The following LRRK1 variants were observed in gnomAD, a reference collection of about 807,000 sequenced individuals.
LRRK1 encodes the protein leucine rich repeat kinase 1.
A neutral mutation model predicts 209.1 loss-of-function variants in LRRK1; 113 were observed. The ratio of observed to expected loss-of-function variants is 0.54; its 90% CI spans 0.46 to 0.63. LRRK1 has a LOEUF of 0.63. Among genes scored for constraint, LRRK1 ranks in the 30% least tolerant of loss-of-function variants. The probability of loss-of-function intolerance (pLI) is 0.00; values close to 1 mark genes in which losing one functional copy is unlikely to be tolerated. For missense variants in LRRK1, 2,284 were observed against 2,632.2 expected, an observed-to-expected ratio of 0.87 and a Z score of 2.89; for synonymous variants, 1,144 against 1,099.7, an observed-to-expected ratio of 1.04 and a Z score of -0.80.
Position 101,027,481 on chromosome 15 carries a change from C to A in LRRK1, c.2526+100C>A. 1 of 1,533,620 alleles carries A rather than the reference C, an allele frequency of 6.5e-7. No individual in the cohort carries two copies. Among genetic ancestry groups the A allele is most frequent in the South Asian group, 1.2e-5 (1 of 80,296 alleles). The stretch of plus-strand genomic sequence containing the variant: ...TCCTGTGAAGCCCATGTCTGTGTGG[C>A]AAGGCTCGGTGGTTCCTGGTGAGGG... On this transcript the variant is annotated intron_variant, in intron 18 of 33. Transcript: ENST00000388948. The surrounding 1 kb of genome is among the most constrained non-coding windows in gnomAD (Gnocchi z 5.1).
At chr15:100,962,816 T>TATACATATATATATATATAC (rs1596204721) in intron 2 of LRRK1, among the ~76,000 whole-genome samples, 2 of 32,744 alleles carry the variant, frequency 6.1e-5, no homozygotes, top group African/African-American at 1.9e-4. Context: ...TATATATATA[T>TATACATATATATATATATAC]ATATATATTT....
rs983398359 is a variant in LRRK1 at position 101,073,107 on chromosome 15, C to G, written c.*4259C>G. On this transcript the variant is annotated 3_prime_UTR_variant, in exon 34 of 34. Coordinates refer to ENST00000388948, the MANE Select transcript of LRRK1 (RefSeq NM_024652.6). ...ATCCAGTAAGCAGCCTCTTTTTACT[C>G]TCTTCTCCAACCTCCCTCACTATCC... 7.0e-5 allele frequency: 12 copies of G among 171,720 alleles called. No homozygotes were observed. In the East Asian group the frequency reaches 1.0e-3, roughly 15 times the overall value. The allele number at this position is 171,720 out of a possible 1,614,324, so 10.6% of individuals were successfully genotyped here.
Position 101,026,056 on chromosome 15 carries a change from G to A in LRRK1, c.2324G>A (p.Arg775His), listed in dbSNP as rs368099995. Residue 775 changes from arginine (R) to histidine (H), a missense_variant, in exon 17 of 34, where the codon CGT becomes CAT. By Grantham distance (29) the Arg-to-His change is conservative (BLOSUM62 0). Coordinates refer to ENST00000388948, the MANE Select transcript of LRRK1 (RefSeq NM_024652.6). ...CGTGTGGAAAGGATTGCAACGCTGCGTGCCTATGTGCTGGCACTCTGCCGC... is the reference window on the plus strand; with the variant it reads ...CGTGTGGAAAGGATTGCAACGCTGCATGCCTATGTGCTGGCACTCTGCCGC... ...KFRVERIATL[R>H]AYVLALCRSP... is the part of the protein sequence containing the mutation. The A allele has an allele frequency of 1.5e-5, 24 of 1,614,122 alleles. No homozygotes were observed. Among genetic ancestry groups the A allele is most frequent in the African/African-American group, 4.0e-5 (3 of 74,956 alleles).
At chr15:101,065,188 A>T in intron 31 of LRRK1, 164 bp from the exon 32 acceptor site, 1 of 714,258 alleles carries the variant, frequency 1.4e-6, no homozygotes, top group South Asian at 1.9e-5. Flanking sequence ...GCACTTCTTT[A>T]GGAGTAGCCC....
At chr15:101,056,769 T>C (rs1009480907) in intron 27 of LRRK1, 87 bp from the exon 28 acceptor site, 20 of 999,906 alleles carry the variant, frequency 2.0e-5, no homozygotes, top group Non-Finnish European at 2.8e-5. Context: ...TGTCTAATTG[T>C]GTCTCCCTGG....
chr15:101,063,863 G>A (rs916280309), intron 31 of LRRK1, among the ~76,000 whole-genome samples: 5 of 151,570 alleles, frequency 3.3e-5, no homozygotes, highest in Non-Finnish European at 7.4e-5. Flanking sequence ...TATGACCATG[G>A]CCCCACAGCG....
intron 6 of LRRK1, among the ~76,000 whole-genome samples, chr15:100,993,135 A>G (rs1435541320): frequency 6.6e-6 from 1 of 152,208 alleles, no homozygotes; most frequent in African/African-American, 2.4e-5. Flanking sequence ...TGCTTGACAA[A>G]TAAGTGTAGT....
chr15:100,993,030 T>C (rs551424030), intron 6 of LRRK1, among the ~76,000 whole-genome samples: 35 of 152,330 alleles, frequency 2.3e-4, no homozygotes, highest in African/African-American at 8.4e-4. Context: ...TGAGACTTCC[T>C]GGTTCTTATC....
chr15:100,941,436 G>GTGTGTCTT (rs2042426107), intron 2 of LRRK1, among the ~76,000 whole-genome samples: 1 of 8,806 alleles, frequency 1.1e-4, no homozygotes, highest in Non-Finnish European at 4.0e-4. Flanking sequence ...GTCTGTGTGT[G>GTGTGTCTT]TGTGTGTGTC....
Position 101,012,064 on chromosome 15 carries a change from C to G in LRRK1, c.1338C>G (p.Val446=). 1 of 1,612,404 alleles carries G rather than the reference C, an allele frequency of 6.2e-7. No individual in the cohort carries two copies. The highest frequency in any genetic ancestry group is 8.5e-7 in the Non-Finnish European group (1 of 1,179,016). The change falls in exon 10 of 34, where the codon GTC becomes GTG. Residue 446 remains valine (V), a synonymous_variant. Coordinates refer to ENST00000388948, the MANE Select transcript of LRRK1 (RefSeq NM_024652.6). ...ALECLPDKMA[V]FWKNHLKDVD... ...AATGTCTGCCAGACAAAATGGCTGTCTTTTGGAAAAATCACCTGAAGGATG... is the reference window on the plus strand; with the variant it reads ...AATGTCTGCCAGACAAAATGGCTGTGTTTTGGAAAAATCACCTGAAGGATG...
At chr15:100,956,459 T>TTCTTTTCTTTTCTTTTTC (rs796435322) in intron 2 of LRRK1, among the ~76,000 whole-genome samples, 3 of 119,252 alleles carry the variant, frequency 2.5e-5, no homozygotes, top group Non-Finnish European at 3.5e-5. Flanking sequence ...TTTTTTCTTT[T>TTCTTTTCTTTTCTTTTTC]TTTTTTTTTT....
chr15:101,055,689 A>G (rs2035755152), intron 27 of LRRK1, among the ~76,000 whole-genome samples: 1 of 152,176 alleles, frequency 6.6e-6, no homozygotes, highest in Non-Finnish European at 1.5e-5. Flanking sequence ...AGAAGAGTGA[A>G]AGAGCAAGCT....
At position 101,038,067 on chromosome 15, in the gene LRRK1, G is replaced by T. The variant is rs191350787; in HGVS notation, c.2964-7914G>T. On this transcript the variant is annotated intron_variant, in intron 20 of 33. Coordinates refer to ENST00000388948, the MANE Select transcript of LRRK1 (RefSeq NM_024652.6). ...ATAAAGGAATAAAATAATGGCATCTGCAGCAACCTGGATGAATTGGAGACC... is the reference window on the plus strand; with the variant it reads ...ATAAAGGAATAAAATAATGGCATCTTCAGCAACCTGGATGAATTGGAGACC... 3.0e-3 allele frequency among the ~76,000 whole-genome samples: 450 copies of T among 152,314 alleles called. 1 individual carries two copies. The highest frequency in any genetic ancestry group is 0.01 in the African/African-American group (432 of 41,562).
chr15:101,032,365 T>A (rs1275004254), intron 20 of LRRK1, among the ~76,000 whole-genome samples: 1 of 152,184 alleles, frequency 6.6e-6, no homozygotes, highest in Non-Finnish European at 1.5e-5. Context: ...ATGTGCCATA[T>A]TGTGCTGCAC....
At chr15:101,063,464 A>C (rs1237976320) in intron 31 of LRRK1, among the ~76,000 whole-genome samples, 1 of 152,186 alleles carries the variant, frequency 6.6e-6, no homozygotes, top group East Asian at 1.9e-4. Context: ...TCCTTTGAGA[A>C]GCTGCCCCTC....
At chr15:101,001,395 C>T (rs2032683191) in intron 6 of LRRK1, among the ~76,000 whole-genome samples, 1 of 152,186 alleles carries the variant, frequency 6.6e-6, no homozygotes, top group Non-Finnish European at 1.5e-5. Context: ...ATTTCTGGGC[C>T]TGCTGCTCTG....
intron 2 of LRRK1, among the ~76,000 whole-genome samples, chr15:100,946,963 T>C (rs887358120): frequency 3.9e-5 from 6 of 152,202 alleles, no homozygotes; most frequent in African/African-American, 1.4e-4. Context: ...ATTTTCTTTC[T>C]TTCTTTTTTC....
At chr15:100,925,004 G>GT (rs1212388415) in intron 2 of LRRK1, among the ~76,000 whole-genome samples, 1 of 151,874 alleles carries the variant, frequency 6.6e-6, no homozygotes, top group Admixed American at 6.6e-5. Context: ...ATGTAGTTTT[G>GT]TTTTTTCATT....
rs541883780 is a variant in LRRK1 at position 100,944,992 on chromosome 15, T to C, written c.97+20263T>C. ...CTGTTCTGTGCCTTGCCTGTTTCTT[T>C]CACACATTAAGGGTGTCATTGGCCT... On this transcript the variant is annotated intron_variant, in intron 2 of 33. Transcript: ENST00000388948. Among the ~76,000 whole-genome samples, 3 of 151,302 alleles carry C rather than the reference T, an allele frequency of 2.0e-5. No homozygotes were observed. The East Asian group carries it at 5.8e-4, about 29-fold the overall frequency.
Sources: allele counts gnomAD v4.1 joint callset (sites outside exome capture counted in the v4.1 genomes callset), GRCh38; gene constraint gnomAD v4.1.1; non-coding constraint Gnocchi (gnomAD v3.1); transcripts MANE v1.5; gene names NCBI Gene and HGNC (gene_info 2026-07-23, HGNC 2026-07-21).